ADAM17: variants seen among roughly 807,000 people sequenced by gnomAD.
ADAM17 encodes disintegrin and metalloproteinase domain-containing protein 17.
Under a neutral mutation model 96.7 loss-of-function variants are expected in ADAM17, and 39 were observed. The ratio of observed to expected loss-of-function variants is 0.40; its 90% CI spans 0.31 to 0.53. The LOEUF (loss-of-function observed/expected upper bound fraction) is 0.53. ADAM17 is among the 20% of genes least tolerant of loss of function. ADAM17 has a pLI of 0.44. For synonymous variants in ADAM17, 344 were observed against 359.2 expected, an observed-to-expected ratio of 0.96 and a Z score of 0.48; for missense variants, 777 against 1,013.2, an observed-to-expected ratio of 0.77 and a Z score of 3.17.
chr2:9,535,601 A>G (rs563326862), intron 4 of ADAM17, among the ~76,000 whole-genome samples: 1 of 152,186 alleles, frequency 6.6e-6, no homozygotes, highest in Admixed American at 6.6e-5. Flanking sequence ...TTCTCTTCCT[A>G]TTATCCATCC....
intron 14 of ADAM17, chr2:9,496,239 C>G (rs1662590679): frequency 6.6e-6 from 1 of 152,224 alleles, no homozygotes; most frequent in Non-Finnish European, 1.5e-5. Context: ...AGCAATTCTC[C>G]TGCCTCAGCC....
Position 9,527,774 on chromosome 2 carries a change from TTTAAGTCTTACC to T in ADAM17, c.619_619+11del. The T allele has an allele frequency of 6.5e-7, 1 of 1,542,310 alleles. No homozygotes were observed. ...TTTGTTTCTTATTTGAAATACACTC[TTTAAGTCTTACC>T]TTCAGGTGGTTCTCTGTCTACTAAC... On this transcript the variant is annotated splice_donor_variant and splice_donor_5th_base_variant and coding_sequence_variant and intron_variant, in exon 5 of 19. Coordinates refer to ENST00000310823, the MANE Select transcript of ADAM17 (RefSeq NM_003183.6). LOFTEE classifies it high-confidence loss of function.
intron 4 of ADAM17, among the ~76,000 whole-genome samples, 174 bp from the exon 5 acceptor site, chr2:9,528,128 T>C (rs1664599139): frequency 1.3e-5 from 2 of 152,052 alleles, no homozygotes; most frequent in Admixed American, 6.5e-5. Flanking sequence ...GGAGTTTCTA[T>C]GCAGGAAAGT....
intron 4 of ADAM17, among the ~76,000 whole-genome samples, chr2:9,534,947 CTCTT>C (rs1316510601): frequency 1.3e-5 from 2 of 152,198 alleles, no homozygotes; most frequent in East Asian, 3.8e-4. Context: ...AAATTTCTGA[CTCTT>C]TCTGGTAGGC....
chr2:9,528,065 G>A (rs1664598112), intron 4 of ADAM17, 111 bp from the exon 5 acceptor site: 1 of 676,102 alleles, frequency 1.5e-6, no homozygotes, highest in South Asian at 3.5e-5. Flanking sequence ...TCTAGGTTAA[G>A]TAAACTGATT....
rs139397107 is a variant in ADAM17 at position 9,500,775 on chromosome 2, A to G, written c.1648+1398T>C. The stretch of plus-strand genomic sequence containing the variant: ...AGGAACAGCAGATAAAGATGTAGAG[A>G]TATGTCCGTTTATATACCTAGTAAT... On this transcript the variant is annotated intron_variant, in intron 13 of 18. Coordinates refer to ENST00000310823, the MANE Select transcript of ADAM17 (RefSeq NM_003183.6). Among the ~76,000 whole-genome samples, 256 of 152,360 alleles carry G rather than the reference A, an allele frequency of 1.7e-3. 1 individual carries two copies. The highest frequency in any genetic ancestry group is 6.0e-3 in the African/African-American group (248 of 41,584).
In ADAM17 at chr2:9,497,098, G is replaced by T; in HGVS notation, c.1783+16C>A. The T allele has an allele frequency of 6.2e-7, 1 of 1,612,102 alleles. No homozygotes were observed. The highest frequency in any genetic ancestry group is 1.1e-5 in the South Asian group (1 of 90,804). ...ATGTTTTCTCCTGCTGCTGGACTGG[G>T]AATAAAACTGCTCACCATTACATGC... On this transcript the variant is annotated intron_variant, in intron 14 of 18. Transcript: ENST00000310823.
intron 12 of ADAM17, among the ~76,000 whole-genome samples, chr2:9,502,922 C>T (rs1320445873): frequency 7.8e-5 from 11 of 140,546 alleles, no homozygotes; most frequent in African/African-American, 3.0e-4. Flanking sequence ...AGGTGGACCA[C>T]GAGGTTAGGG....
intron 14 of ADAM17, 87 bp downstream of exon 14, chr2:9,497,015 CACTGCTGTCATT>C: frequency 6.5e-7 from 1 of 1,535,314 alleles, no homozygotes; most frequent in South Asian, 1.3e-5. Flanking sequence ...TGGATCTCAC[CACTGCTGTCATT>C]CGCACAACCT....
At chr2:9,535,267 C>T (rs547919656) in intron 4 of ADAM17, among the ~76,000 whole-genome samples, 1 of 152,290 alleles carries the variant, frequency 6.6e-6, no homozygotes, top group South Asian at 2.1e-4. Flanking sequence ...ACAGAATCAA[C>T]TTCAATTCAC....
chr2:9,524,068 A>C, intron 6 of ADAM17, among the ~76,000 whole-genome samples: 1 of 151,634 alleles, frequency 6.6e-6, no homozygotes. Context: ...TTTTCATCAT[A>C]ACATTTTCCT....
rs1001386347 is a variant in ADAM17 at position 9,505,365 on chromosome 2, T to A, written c.1345A>T (p.Met449Leu). The part of the protein sequence containing the change: ...AVSGDHENNK[M>L]FSNCSKQSIY... ...GATTGTTTACTGCAGTTTGAAAACA[T>A]CTTGAGAGAAAAAAGGCAATAAGGA... Residue 449 changes from methionine to leucine, a missense_variant and splice_region_variant, in exon 12 of 19, where the codon ATG becomes TTG. Physicochemically the swap from Met to Leu is conservative, Grantham distance 15. Around this residue, in one of 3 missense-constraint regions of ADAM17, gnomAD observed 446 missense variants for 664.7 expected, o/e 0.67. Coordinates refer to ENST00000310823, the MANE Select transcript of ADAM17 (RefSeq NM_003183.6). The A allele has an allele frequency of 6.2e-7, 1 of 1,613,668 alleles. No individual in the cohort carries two copies. Among genetic ancestry groups the A allele is most frequent in the Non-Finnish European group, 8.5e-7 (1 of 1,179,624 alleles).
intron 4 of ADAM17, among the ~76,000 whole-genome samples, chr2:9,535,527 TGA>T (rs1664925450): frequency 6.6e-6 from 1 of 152,224 alleles, no homozygotes; most frequent in Non-Finnish European, 1.5e-5. Flanking sequence ...TTTTCATTTC[TGA>T]GGATGTTTAC....
intron 8 of ADAM17, among the ~76,000 whole-genome samples, chr2:9,518,475 A>T (rs544286928): frequency 4.2e-4 from 64 of 152,206 alleles, no homozygotes; most frequent in African/African-American, 1.5e-3. Flanking sequence ...AAGGGACACA[A>T]AAGGGAATAG....
At chr2:9,514,523 ATATATATATATATATATAT>A (rs1187279404) in intron 10 of ADAM17, among the ~76,000 whole-genome samples, 1 of 4,698 alleles carries the variant, frequency 2.1e-4, no homozygotes, top group African/African-American at 1.1e-3. Flanking sequence ...ATATAAATAT[ATATATATATATATATATAT>A]ATATATATAT....
chr2:9,532,961 TG>T lies in ADAM17; in HGVS notation c.450+2872del, dbSNP rs201583019. 2.2e-3 allele frequency among the ~76,000 whole-genome samples: 333 copies of T among 152,096 alleles called. 2 individuals are homozygous for T. The highest frequency in any genetic ancestry group is 7.5e-3 in the African/African-American group (311 of 41,488). Reference sequence around the variant, plus strand: ...ATCTCAGCACTTTGGGAGGCCAAGATGGGCAGATCACGAGGTCAGGAGTTCA... The same window carrying T: ...ATCTCAGCACTTTGGGAGGCCAAGATGGCAGATCACGAGGTCAGGAGTTCA... On this transcript the variant is annotated intron_variant, in intron 4 of 18. Transcript: ENST00000310823.
At position 9,555,704 on chromosome 2, in the gene ADAM17, C is replaced by T. The variant is rs1259582765; in HGVS notation, c.-99G>A. ...TCGGGGGAGGACGGGATCCGCCCGG[C>T]CTAGCCCCTCAATCCTCTTTTCCCT... On this transcript the variant is annotated 5_prime_UTR_variant, in exon 1 of 19. Coordinates refer to ENST00000310823, the MANE Select transcript of ADAM17 (RefSeq NM_003183.6). 2.3e-5 allele frequency: 24 copies of T among 1,024,020 alleles called. No homozygotes were observed. The highest frequency in any genetic ancestry group is 3.3e-5 in the African/African-American group (2 of 60,922). 63.4% of individuals were successfully genotyped at this position (1,024,020 alleles called of 1,614,324 possible).
chr2:9,490,901 C>T (rs1322027210), intron 18 of ADAM17, among the ~76,000 whole-genome samples, 200 bp downstream of exon 18: 1 of 152,166 alleles, frequency 6.6e-6, no homozygotes, highest in African/African-American at 2.4e-5. Context: ...CAGCACAGCT[C>T]TTTAAATGTC....
At chr2:9,519,195 A>G (rs912417525) in intron 8 of ADAM17, among the ~76,000 whole-genome samples, 1 of 152,180 alleles carries the variant, frequency 6.6e-6, no homozygotes. Context: ...CACCATGCCT[A>G]GCCAAAACCC....
Sources: allele counts gnomAD v4.1 joint callset (sites outside exome capture counted in the v4.1 genomes callset), GRCh38; gene constraint gnomAD v4.1.1; regional missense constraint gnomAD v4.1.1; transcripts MANE v1.5; gene names NCBI Gene and HGNC (gene_info 2026-07-23, HGNC 2026-07-21).